Variants in COL11A1 observed in about 807,000 individuals in gnomAD.
COL11A1 encodes the protein collagen type XI alpha 1 chain.
COL11A1 carries 74 observed loss-of-function variants against 265.2 expected under a neutral mutation model. That is an observed-to-expected ratio of 0.28 (90% CI 0.23 to 0.34). The LOEUF (loss-of-function observed/expected upper bound fraction) is 0.34. Among genes scored for constraint, COL11A1 ranks in the 10% least tolerant of loss-of-function variants. COL11A1 has a pLI of 1.00. For synonymous variants in COL11A1, 816 were observed against 727.6 expected (o/e 1.12, Z -1.96); for missense variants, 2,165 against 2,263.6 (o/e 0.96, Z 0.88).
At chr1:103,054,583 G>T (rs1670083715) in intron 4 of COL11A1, among the ~76,000 whole-genome samples, 1 of 151,336 alleles carries the variant, frequency 6.6e-6, no homozygotes, top group Non-Finnish European at 1.5e-5. Flanking sequence ...TGTTGTTGTT[G>T]TTGTTGTTTC....
intron 28 of COL11A1, among the ~76,000 whole-genome samples, chr1:102,995,562 C>A (rs1252919733): frequency 6.6e-6 from 1 of 150,890 alleles, no homozygotes; most frequent in Non-Finnish European, 1.5e-5. Context: ...GCAGCAAATC[C>A]ATTCGTAAGG....
Position 102,931,935 on chromosome 1 carries a change from C to G in COL11A1, c.3600+2514G>C, listed in dbSNP as rs979067102. On this transcript the variant is annotated intron_variant, in intron 46 of 66. Coordinates refer to ENST00000370096, the MANE Select transcript of COL11A1 (RefSeq NM_001854.4). ...GCAAGCCCTGCCTTTTTTTGTTTTC[C>G]ATTTGCTTGGTAGATCTTCCTCCAT... Among the ~76,000 whole-genome samples, 96 of 150,666 alleles carry G rather than the reference C, an allele frequency of 6.4e-4. 1 individual carries two copies. The highest frequency in any genetic ancestry group is 2.3e-3 in the African/African-American group (95 of 40,902).
chr1:102,887,335 A>T (rs1651122712), intron 62 of COL11A1, among the ~76,000 whole-genome samples: 1 of 151,902 alleles, frequency 6.6e-6, no homozygotes, highest in South Asian at 2.1e-4. Flanking sequence ...GATATGTTAT[A>T]TATGTTAGTC....
In COL11A1 at chr1:103,018,732, C is replaced by T. The variant is rs199573372; in HGVS notation, c.1350+86G>A. 74 of 1,086,306 alleles carry T rather than the reference C, an allele frequency of 6.8e-5. No homozygotes were observed. In the East Asian group the frequency reaches 1.8e-3, roughly 27 times the overall value. 67.3% of individuals were successfully genotyped at this position (1,086,306 alleles called of 1,614,324 possible). On this transcript the variant is annotated intron_variant, in intron 10 of 66. Transcript: ENST00000370096. Reference sequence around the variant, plus strand: ...TCTATAATTCAATATTCTAATTAGTCTAAAATGTTCTCATTCAGTAATTAA... The same window carrying T: ...TCTATAATTCAATATTCTAATTAGTTTAAAATGTTCTCATTCAGTAATTAA...
rs191498254 is a variant in COL11A1, at chr1:103,066,144, G to A, written c.651+8474C>T. 4.6e-3 allele frequency among the ~76,000 whole-genome samples: 698 copies of A among 152,142 alleles called. 1 individual carries two copies. Among genetic ancestry groups the A allele is most frequent in the Non-Finnish European group, 6.9e-3 (472 of 67,938 alleles). The stretch of plus-strand genomic sequence containing the variant: ...TATCTGTTGTATAAGAAATGTTAAA[G>A]AAAACTTTTTAGACTGATGGAAAAG... On this transcript the variant is annotated intron_variant, in intron 4 of 66. Transcript: ENST00000370096.
intron 30 of COL11A1, among the ~76,000 whole-genome samples, chr1:102,986,314 CA>C (rs534804367): frequency 6.7e-6 from 1 of 148,834 alleles, no homozygotes; most frequent in Non-Finnish European, 1.5e-5. Context: ...ATCGCAAGGA[CA>C]AAAAACCAAG....
chr1:103,091,296 T>C (rs1168535730), intron 1 of COL11A1, among the ~76,000 whole-genome samples: 1 of 152,024 alleles, frequency 6.6e-6, no homozygotes, highest in Non-Finnish European at 1.5e-5. Flanking sequence ...TATATGAATA[T>C]AAAATATTAG....
At chr1:103,022,045 C>T (rs1039101250) in intron 8 of COL11A1, among the ~76,000 whole-genome samples, 2 of 147,550 alleles carry the variant, frequency 1.4e-5, no homozygotes, top group Non-Finnish European at 3.0e-5. Flanking sequence ...TAGTAGAGAT[C>T]GGTTTTCGCC....
chr1:102,896,713 G>T (rs1173539203), intron 57 of COL11A1, among the ~76,000 whole-genome samples: 2 of 152,126 alleles, frequency 1.3e-5, no homozygotes, highest in Non-Finnish European at 2.9e-5. Context: ...TGCCAAATCA[G>T]GTGGTATGTC....
At position 103,108,120 on chromosome 1, in the gene COL11A1, G is replaced by C. The variant is rs1284115273; in HGVS notation, c.59C>G (p.Thr20Arg). Reference protein sequence around the residue: ...TKRWLWDFTVTTLALTFLFQA... With the variant: ...TKRWLWDFTVRTLALTFLFQA... ...GAAGAGGAAGGTCAATGCGAGGGTT[G>C]TTACGGTGAAATCCCAGAGCCACCG... Residue 20 changes from threonine (T) to arginine (R), a missense_variant, in exon 1 of 67, where the codon ACA becomes AGA. Physicochemically the swap from Thr to Arg is moderately conservative, Grantham distance 71 (BLOSUM62 -1). Transcript: ENST00000370096. 2.5e-6 allele frequency: 4 copies of C among 1,613,874 alleles called. No individual in the cohort carries two copies. Among genetic ancestry groups the C allele is most frequent in the Non-Finnish European group, 3.4e-6 (4 of 1,179,980 alleles).
chr1:103,016,167 G>C (rs1666551217), intron 11 of COL11A1, among the ~76,000 whole-genome samples: 1 of 151,878 alleles, frequency 6.6e-6, no homozygotes, highest in South Asian at 2.1e-4. Context: ...TTCTTTAACA[G>C]ATACATAAAT....
intron 37 of COL11A1, among the ~76,000 whole-genome samples, chr1:102,967,531 C>T (rs889240355): frequency 3.8e-4 from 58 of 152,186 alleles, no homozygotes; most frequent in African/African-American, 1.2e-3. Flanking sequence ...TGAGCCACCA[C>T]GCCCAGCCAA....
At chr1:103,016,252 C>CT (rs932452391) in intron 11 of COL11A1, among the ~76,000 whole-genome samples, 76 of 149,394 alleles carry the variant, frequency 5.1e-4, no homozygotes, top group African/African-American at 1.8e-3. Flanking sequence ...AAGAGAGATA[C>CT]TTTTTAACAT....
intron 7 of COL11A1, among the ~76,000 whole-genome samples, chr1:103,023,985 T>A (rs531619427): frequency 6.6e-6 from 1 of 152,300 alleles, no homozygotes; most frequent in South Asian, 2.1e-4. Context: ...ATGTCAATAA[T>A]ACTTCCTCAG....
chr1:102,901,801 T>A (rs971530233), intron 54 of COL11A1, among the ~76,000 whole-genome samples: 2 of 152,222 alleles, frequency 1.3e-5, no homozygotes, highest in African/African-American at 4.8e-5. Flanking sequence ...ATTCAAGTTT[T>A]ACAGTATGAT....
chr1:103,080,300 C>T (rs1233589417), intron 2 of COL11A1, among the ~76,000 whole-genome samples: 1 of 151,600 alleles, frequency 6.6e-6, no homozygotes, highest in Admixed American at 6.6e-5. Flanking sequence ...GGCTCAAATC[C>T]CAGCCCTACC....
At chr1:102,920,919 T>C (rs1015148557) in intron 48 of COL11A1, among the ~76,000 whole-genome samples, 3 of 152,152 alleles carry the variant, frequency 2.0e-5, no homozygotes, top group African/African-American at 7.2e-5. Context: ...GACTTCTTCA[T>C]TGTGAAAAGT....
At chr1:103,008,628 A>G (rs1382684728) in intron 14 of COL11A1, 112 bp from the exon 15 acceptor site, 1 of 945,266 alleles carries the variant, frequency 1.1e-6, no homozygotes, top group South Asian at 1.4e-5. Flanking sequence ...ATTTAATCAT[A>G]TTAGCATTAA....
chr1:103,050,255 G>A (rs1488616392), intron 4 of COL11A1, among the ~76,000 whole-genome samples: 1 of 151,954 alleles, frequency 6.6e-6, no homozygotes, highest in Non-Finnish European at 1.5e-5. Context: ...AGGTAGATTT[G>A]GTCTTTTCAC....
Sources: allele counts gnomAD v4.1 joint callset (sites outside exome capture counted in the v4.1 genomes callset), GRCh38; gene constraint gnomAD v4.1.1; transcripts MANE v1.5; gene names NCBI Gene and HGNC (gene_info 2026-07-23, HGNC 2026-07-21).